Variants in DMD observed in about 807,000 individuals in gnomAD.
DMD encodes dystrophin.
A neutral mutation model predicts 330.1 loss-of-function variants in DMD; 63 were observed. That is an observed-to-expected ratio of 0.19 (90% CI 0.16 to 0.24). The LOEUF is 0.24. Ranked by LOEUF, DMD falls within the 10% of genes least tolerant of loss-of-function variation. DMD has a pLI of 1.00. For missense variants in DMD, 3,344 were observed against 2,684.1 expected, an observed-to-expected ratio of 1.25 and a Z score of -5.43; for synonymous variants, 1,223 against 959.8, an observed-to-expected ratio of 1.27 and a Z score of -5.07.
chrX:33,042,782 C>A (rs1484361422), intron 1 of DMD, among the ~76,000 whole-genome samples: 1 of 111,807 alleles, frequency 8.9e-6, no homozygotes, highest in Admixed American at 9.5e-5. Context: ...CTGCATTTTT[C>A]TTCTACTGTA....
chrX:31,127,899 A>C (rs1266389213), intron 77 of DMD, among the ~76,000 whole-genome samples: 1 of 110,811 alleles, frequency 9.0e-6, no homozygotes, highest in Non-Finnish European at 1.9e-5. Context: ...CTTCCTTCTG[A>C]ATTTCCTACA....
At chrX:32,165,379 A>T (rs1370711573) in intron 44 of DMD, among the ~76,000 whole-genome samples, 1 of 112,785 alleles carries the variant, frequency 8.9e-6, no homozygotes, top group African/African-American at 3.2e-5. Flanking sequence ...CAAAGGAGAC[A>T]ACTTCAGAGC....
chrX:32,691,872 A>G (rs1481643651), intron 9 of DMD, among the ~76,000 whole-genome samples: 2 of 111,744 alleles, frequency 1.8e-5, no homozygotes, highest in African/African-American at 3.3e-5. Flanking sequence ...GATGAACCCT[A>G]AGGACATTAT....
intron 63 of DMD, among the ~76,000 whole-genome samples, chrX:31,259,821 G>A (rs887067211): frequency 1.8e-5 from 2 of 110,193 alleles, no homozygotes; most frequent in African/African-American, 6.7e-5. Context: ...TAATAGCTAC[G>A]TACCCCCTGA....
intron 72 of DMD, 81 bp from the exon 73 acceptor site, chrX:31,172,494 AC>A: frequency 4.1e-6 from 3 of 727,091 alleles, no homozygotes; most frequent in Non-Finnish European, 6.5e-6. Flanking sequence ...ATTCCTGAAA[AC>A]TAAAGGATAA....
chrX:31,623,836 A>G (rs1363426616), intron 55 of DMD, among the ~76,000 whole-genome samples: 1 of 111,117 alleles, frequency 9.0e-6, no homozygotes, highest in African/African-American at 3.3e-5. Context: ...TATGTTAATT[A>G]CACCACCTTT....
chrX:32,806,764 C>A (rs2076973840), intron 7 of DMD, among the ~76,000 whole-genome samples: 1 of 110,646 alleles, frequency 9.0e-6, no homozygotes, highest in Non-Finnish European at 1.9e-5. Flanking sequence ...ACAGTGCAAA[C>A]AAATTAGAAC....
At chrX:32,412,976 G>A (rs1216571528) in intron 29 of DMD, among the ~76,000 whole-genome samples, 4 of 111,077 alleles carry the variant, frequency 3.6e-5, no homozygotes, top group Non-Finnish European at 7.5e-5. Context: ...ACAGTTAAAG[G>A]CATCTAGACT....
intron 2 of DMD, among the ~76,000 whole-genome samples, chrX:32,932,060 T>C (rs545574660): frequency 3.6e-5 from 4 of 112,344 alleles, no homozygotes; most frequent in African/African-American, 1.3e-4. Flanking sequence ...TCTGTCCTTA[T>C]CAAGTAAAAA....
At chrX:31,895,033 T>A (rs2094312436) in intron 47 of DMD, among the ~76,000 whole-genome samples, 2 of 111,614 alleles carry the variant, frequency 1.8e-5, no homozygotes, top group African/African-American at 3.3e-5. Context: ...GCTAGGTAAA[T>A]CATCCCTCCC....
intron 16 of DMD, among the ~76,000 whole-genome samples, chrX:32,557,266 T>C (rs928645146): frequency 3.6e-5 from 4 of 111,951 alleles, no homozygotes; most frequent in African/African-American, 9.7e-5. Context: ...CTTGTACACT[T>C]TTTTGAATGG....
chrX:31,300,986 C>T (rs2054599781), intron 62 of DMD, among the ~76,000 whole-genome samples: 1 of 111,859 alleles, frequency 8.9e-6, no homozygotes, highest in African/African-American at 3.3e-5. Flanking sequence ...GAGAGATTGG[C>T]CTTTAGCCAG....
Position 32,013,093 on chromosome X carries a change from C to CTTTTTTTTTTTTTTTTTTTTT in DMD, c.6439-44580_6439-44579insAAAAAAAAAAAAAAAAAAAAA, listed in dbSNP as rs754162660. ...GGAAATTAATCTTTTCTTTTCTTTC[C>CTTTTTTTTTTTTTTTTTTTTT]TTTTTTTTTTTTTGAGATGGAATCT... On this transcript the variant is annotated intron_variant, in intron 44 of 78. Coordinates refer to ENST00000357033, the MANE Select transcript of DMD (RefSeq NM_004006.3). Among the ~76,000 whole-genome samples, 34 of 61,154 alleles carry CTTTTTTTTTTTTTTTTTTTTT rather than the reference C, an allele frequency of 5.6e-4. 1 individual carries two copies. Among genetic ancestry groups the CTTTTTTTTTTTTTTTTTTTTT allele is most frequent in the African/African-American group, 1.6e-3 (20 of 12,321 alleles). The allele number at this position is 61,154 out of a possible 115,157, so 53.1% of individuals were successfully genotyped here.
chrX:32,481,231 C>T (rs2041862051), intron 21 of DMD, among the ~76,000 whole-genome samples: 1 of 110,807 alleles, frequency 9.0e-6, no homozygotes, highest in Non-Finnish European at 1.9e-5. Flanking sequence ...TTCTGTGCTA[C>T]ACCTCCCCAG....
At chrX:32,290,672 G>T (rs778156299) in intron 42 of DMD, among the ~76,000 whole-genome samples, 7 of 112,122 alleles carry the variant, frequency 6.2e-5, no homozygotes, top group Non-Finnish European at 9.4e-5. Flanking sequence ...GGTCCACTGA[G>T]CAAAATTTAT....
rs759246012 is a variant in DMD, at chrX:31,839,592, CAAT to C, written c.7099-2776_7099-2774del. Among the ~76,000 whole-genome samples, 286 of 111,896 alleles carry C rather than the reference CAAT, an allele frequency of 2.6e-3. 2 individuals are homozygous for C. The highest frequency in any genetic ancestry group is 8.8e-3 in the African/African-American group (271 of 30,912). On this transcript the variant is annotated intron_variant, in intron 48 of 78. Transcript: ENST00000357033. The stretch of plus-strand genomic sequence containing the variant: ...TACATCTTCACGTTATTGATTACAA[CAAT>C]GTCTCAGAAAACTCATTTCTATGAC...
At chrX:33,040,807 A>G (rs139539366) in intron 1 of DMD, among the ~76,000 whole-genome samples, 1,280 of 112,335 alleles carry the variant, frequency 0.011, 10 homozygotes, top group Non-Finnish European at 0.016. Flanking sequence ...AGACTTGCAA[A>G]AAATAAATAA....
At chrX:31,380,330 C>T (rs1023559264) in intron 60 of DMD, among the ~76,000 whole-genome samples, 3 of 110,278 alleles carry the variant, frequency 2.7e-5, no homozygotes, top group Admixed American at 1.9e-4. Flanking sequence ...ACCTCATTGC[C>T]GCCTTTTCCC....
At chrX:31,830,946 T>C (rs2093014415) in intron 49 of DMD, among the ~76,000 whole-genome samples, 1 of 112,195 alleles carries the variant, frequency 8.9e-6, no homozygotes, top group East Asian at 2.8e-4. Flanking sequence ...TCTCATCTTC[T>C]AGATAAACAC....
Sources: allele counts gnomAD v4.1 joint callset (sites outside exome capture counted in the v4.1 genomes callset), GRCh38; gene constraint gnomAD v4.1.1; transcripts MANE v1.5; gene names NCBI Gene and HGNC (gene_info 2026-07-23, HGNC 2026-07-21).